Variants in SYNE3 observed in about 807,000 individuals in gnomAD.
SYNE3 encodes the protein nesprin-3.
A neutral mutation model predicts 111.2 loss-of-function variants in SYNE3; 100 were observed. That is an observed-to-expected ratio of 0.90 (90% CI 0.77 to 1.06). SYNE3 has a LOEUF of 1.06. Ranked by LOEUF, SYNE3 falls within the 50% of genes least tolerant of loss-of-function variation. The pLI, the probability that SYNE3 is intolerant of heterozygous loss-of-function variation, is 0.00. For missense variants in SYNE3, 1,160 were observed against 1,240.3 expected (o/e 0.94, Z 0.97); for synonymous variants, 547 against 533.9 (o/e 1.02, Z -0.34).
chr14:95,471,044 A>T (rs952484812), intron 2 of SYNE3, among the ~76,000 whole-genome samples: 2 of 152,104 alleles, frequency 1.3e-5, no homozygotes, highest in African/African-American at 2.4e-5. Context: ...AGGAGACTTC[A>T]TATTCCCCAA....
chr14:95,467,225 C>G (rs1447495910), intron 3 of SYNE3, among the ~76,000 whole-genome samples: 1 of 152,186 alleles, frequency 6.6e-6, no homozygotes, highest in Admixed American at 6.5e-5. Context: ...TGAGGGCCTA[C>G]TTTGTACCAA....
chr14:95,493,540 T>C (rs1170232766), intron 1 of SYNE3, among the ~76,000 whole-genome samples: 30 of 152,248 alleles, frequency 2.0e-4, no homozygotes, highest in Non-Finnish European at 5.9e-5. Context: ...ATGGGTCTTA[T>C]AGACCTTATA....
rs1291058482 is a variant in SYNE3 at position 95,516,585 on chromosome 14, G to A, written c.-15+11C>T. On this transcript the variant is annotated intron_variant, in intron 1 of 17. Transcript: ENST00000682763. ...GCCCCAGGCCTGGCCTCCCGGCCCC[G>A]TGCCACTTACCCTCCCGGAGCGTGG... Among the ~76,000 whole-genome samples, 1 of 105,936 alleles carries A rather than the reference G, an allele frequency of 9.4e-6. No individual in the cohort carries two copies. The highest frequency in any genetic ancestry group is 3.1e-5 in the African/African-American group (1 of 31,874). The allele number at this position is 105,936 out of a possible 152,430, so 69.5% of individuals were successfully genotyped here.
chr14:95,492,386 T>A (rs957408273), intron 1 of SYNE3, among the ~76,000 whole-genome samples: 4 of 152,198 alleles, frequency 2.6e-5, no homozygotes, highest in Admixed American at 1.3e-4. Context: ...GATAAATGGA[T>A]AAGGAAATCG....
intron 1 of SYNE3, among the ~76,000 whole-genome samples, chr14:95,497,044 A>T (rs1890122884): frequency 6.6e-6 from 1 of 152,244 alleles, no homozygotes; most frequent in Admixed American, 6.5e-5. Context: ...ACTTGGCCCG[A>T]GCTGGAAGAT....
At position 95,411,071 on chromosome 14, in the gene SYNE3, A is replaced by G. The variant is rs755777215; in HGVS notation, c.*6755T>C. 10 of 152,186 alleles carry G rather than the reference A, an allele frequency of 6.6e-5. No homozygotes were observed. Among genetic ancestry groups the G allele is most frequent in the Admixed American group, 1.3e-4 (2 of 15,268 alleles). The allele number at this position is 152,186 out of a possible 1,614,324, so 9.4% of individuals were successfully genotyped here. A position where few individuals can be genotyped will look rare whatever the true frequency, so the allele number is the denominator to read the frequency against. Reference sequence around the variant, plus strand: ...GAACTGCTGAGGTCTCAGAGTCCTAACCTGTAAAATGGGTACAAAGTTGGA... The same window carrying G: ...GAACTGCTGAGGTCTCAGAGTCCTAGCCTGTAAAATGGGTACAAAGTTGGA... On this transcript the variant is annotated 3_prime_UTR_variant, in exon 18 of 18. Transcript: ENST00000682763.
intron 1 of SYNE3, among the ~76,000 whole-genome samples, chr14:95,482,188 C>G (rs183211543): frequency 1.2e-3 from 181 of 150,986 alleles, no homozygotes; most frequent in Non-Finnish European, 2.0e-3. Context: ...AATCCCAACA[C>G]TTTGGGAGGT....
chr14:95,465,456 G>C (rs4900269), intron 4 of SYNE3, among the ~76,000 whole-genome samples: 95,974 of 151,910 alleles, frequency 0.63, 30,481 homozygotes, highest in Admixed American at 0.7. Flanking sequence ...AGGTGGTGAA[G>C]GGGTAGGCAG....
At chr14:95,430,700 T>G (rs12432292) in intron 17 of SYNE3, among the ~76,000 whole-genome samples, 35,625 of 151,774 alleles carry the variant, frequency 0.23, 5,889 homozygotes, top group African/African-American at 0.47. Context: ...AGCGCATGCC[T>G]GTAATCCCAG....
chr14:95,495,674 G>A (rs1380883002), intron 1 of SYNE3, among the ~76,000 whole-genome samples: 1 of 152,242 alleles, frequency 6.6e-6, no homozygotes, highest in Non-Finnish European at 1.5e-5. Context: ...GGCCAGGCCT[G>A]CATGGCTCCA....
intron 4 of SYNE3, among the ~76,000 whole-genome samples, chr14:95,464,471 C>T (rs1028096977): frequency 6.6e-6 from 1 of 152,200 alleles, no homozygotes. Context: ...AATATTGTTA[C>T]AAACGCAATC....
chr14:95,461,204 G>GC (rs1449858010), intron 4 of SYNE3, among the ~76,000 whole-genome samples: 5 of 152,232 alleles, frequency 3.3e-5, no homozygotes, highest in Non-Finnish European at 7.3e-5. Context: ...TTATGCCTCT[G>GC]CAAAGGGCTG....
chr14:95,481,330 G>C (rs1889238884), intron 1 of SYNE3, among the ~76,000 whole-genome samples: 1 of 152,184 alleles, frequency 6.6e-6, no homozygotes, highest in South Asian at 2.1e-4. Flanking sequence ...TGTGAGTCAA[G>C]GTCCAATCAG....
At chr14:95,444,767 T>G in intron 9 of SYNE3, 139 bp from the exon 10 acceptor site, 1 of 1,106,836 alleles carries the variant, frequency 9.0e-7, no homozygotes, top group Non-Finnish European at 1.2e-6. Flanking sequence ...CCAGGAAGCC[T>G]TCCCTGAGCC....
chr14:95,503,610 CTT>C (rs386382233), intron 1 of SYNE3, among the ~76,000 whole-genome samples: 3,539 of 90,984 alleles, frequency 0.039, 11 homozygotes, highest in Non-Finnish European at 0.047. Context: ...TCAGAACTAC[CTT>C]TTTTTTTTTT....
At chr14:95,507,650 C>T (rs1007449963) in intron 1 of SYNE3, among the ~76,000 whole-genome samples, 1 of 152,196 alleles carries the variant, frequency 6.6e-6, no homozygotes. Context: ...AAAATTATGC[C>T]TGAGCAAACT....
intron 1 of SYNE3, among the ~76,000 whole-genome samples, chr14:95,488,210 T>G (rs1238241588): frequency 2.0e-5 from 3 of 152,186 alleles, no homozygotes; most frequent in African/African-American, 7.2e-5. Context: ...AATTTTCAAG[T>G]GTGCAAGGGC....
chr14:95,515,987 C>G (rs2757082), intron 1 of SYNE3: 39,301 of 152,204 alleles, frequency 0.26, 5,253 homozygotes, highest in Admixed American at 0.36. Context: ...CTCTCAGGCC[C>G]TGCAAGCCAT....
Position 95,475,712 on chromosome 14 carries a change from C to A in SYNE3, c.110G>T (p.Arg37Leu), listed in dbSNP as rs776974057. ...LQVNDNTQGP[R>L]AALEARLWET... is the part of the protein sequence containing the mutation. Reference sequence around the variant, plus strand: ...CCACAGCCTGGCCTCCAGGGCCGCGCGGGGTCCCTGCGTGTTGTCATTGAC... The same window carrying A: ...CCACAGCCTGGCCTCCAGGGCCGCGAGGGGTCCCTGCGTGTTGTCATTGAC... Residue 37 changes from arginine (R) to leucine (L), a missense_variant, in exon 2 of 18, where the codon CGC (arginine) becomes CTC (leucine). Arg to Leu is a moderately radical substitution (Grantham distance 102). Coordinates refer to ENST00000682763, the MANE Select transcript of SYNE3 (RefSeq NM_152592.6). The A allele has an allele frequency of 1.1e-5, 17 of 1,599,016 alleles. No individual in the cohort carries two copies. Among genetic ancestry groups the A allele is most frequent in the Admixed American group, 3.5e-5 (2 of 57,738 alleles).
Sources: allele counts gnomAD v4.1 joint callset (sites outside exome capture counted in the v4.1 genomes callset), GRCh38; gene constraint gnomAD v4.1.1; transcripts MANE v1.5; gene names NCBI Gene and HGNC (gene_info 2026-07-23, HGNC 2026-07-21).